The following CD109 variants were observed in gnomAD, a reference collection of about 807,000 sequenced individuals.
The protein encoded by CD109 is CD109 antigen.
In CD109, 149 loss-of-function variants were observed where a neutral mutation model predicts 165.8. The ratio of observed to expected loss-of-function variants is 0.90; its 90% CI spans 0.79 to 1.03. CD109 has a LOEUF of 1.03. Among genes scored for constraint, CD109 ranks in the 50% least tolerant of loss-of-function variants. The pLI is 0.00. For synonymous variants in CD109, 585 were observed against 592.1 expected (o/e 0.99, Z 0.18); for missense variants, 1,712 against 1,677.8 (o/e 1.02, Z -0.36).
intron 2 of CD109, among the ~76,000 whole-genome samples, chr6:73,704,141 G>A (rs1237421581): frequency 3.4e-5 from 5 of 148,250 alleles, no homozygotes; most frequent in Non-Finnish European, 7.4e-5. Context: ...GATTGTACCA[G>A]TGCACTCCAG....
intron 17 of CD109, 52 bp downstream of exon 17, chr6:73,781,371 C>A (rs569956470): frequency 7.1e-7 from 1 of 1,403,652 alleles, no homozygotes; most frequent in African/African-American, 1.4e-5. Flanking sequence ...TGATATTCAA[C>A]ATTACTTATA....
At chr6:73,806,165 T>A (rs1582190552) in intron 24 of CD109, among the ~76,000 whole-genome samples, 1 of 152,112 alleles carries the variant, frequency 6.6e-6, no homozygotes, top group African/African-American at 2.4e-5. Flanking sequence ...ATATACACCA[T>A]GGAATACTAT....
intron 4 of CD109, among the ~76,000 whole-genome samples, 175 bp from the exon 5 acceptor site, chr6:73,736,208 A>G (rs1199792848): frequency 7.2e-5 from 11 of 152,046 alleles, no homozygotes; most frequent in African/African-American, 2.4e-4. Flanking sequence ...ATATATCTCT[A>G]ATGTGTCTCC....
chr6:73,766,010 A>T lies in CD109; in HGVS notation c.1188A>T (p.Arg396Ser). Residue 396 changes from arginine (R) to serine (S), a missense_variant, in exon 11 of 33, where the codon AGA becomes AGT. By Grantham distance (110) the Arg-to-Ser change is moderately radical (BLOSUM62 -1). Coordinates refer to ENST00000287097, the MANE Select transcript of CD109 (RefSeq NM_133493.5). ...ATGTAGTCATAACAGTGACACAGAG[A>T]AACTATACTGAGTACTGGAGCGGAT... ...RNNVVITVTQ[R>S]NYTEYWSGSN... 1 of 1,614,116 alleles carries T rather than the reference A, an allele frequency of 6.2e-7. No individual in the cohort carries two copies. Among genetic ancestry groups the T allele is most frequent in the Non-Finnish European group, 8.5e-7 (1 of 1,179,960 alleles).
chr6:73,723,015 TG>T, intron 2 of CD109: 1 of 368,024 alleles, frequency 2.7e-6, no homozygotes, highest in Non-Finnish European at 3.8e-6. Context: ...CAGAACCTAA[TG>T]TTTTTTGGGT....
chr6:73,778,786 G>GT (rs1774360926), intron 15 of CD109, among the ~76,000 whole-genome samples: 1 of 151,220 alleles, frequency 6.6e-6, no homozygotes. Flanking sequence ...GCTGGAATGT[G>GT]TTTTTTTCAA....
At position 73,765,909 on chromosome 6, in the gene CD109, ATGTTT is replaced by A; in HGVS notation, c.1108-13_1108-9del. 9 of 1,517,564 alleles carry A rather than the reference ATGTTT, an allele frequency of 5.9e-6. No individual in the cohort carries two copies. Among genetic ancestry groups the A allele is most frequent in the Non-Finnish European group, 7.3e-6 (8 of 1,096,940 alleles). 94.0% of individuals were successfully genotyped at this position (1,517,564 alleles called of 1,614,324 possible). On this transcript the variant is annotated splice_polypyrimidine_tract_variant and intron_variant, in intron 10 of 32. Transcript: ENST00000287097. ...TACTTAAATCCTTTGTGTTTTTAAG[ATGTTT>A]TGTTTTGACCATTAGGTGAAGGTAA...
upstream of CD109, among the ~76,000 whole-genome samples, chr6:73,692,214 A>G (rs527297114): frequency 8.5e-4 from 130 of 152,256 alleles, no homozygotes; most frequent in South Asian, 2.3e-3. Flanking sequence ...GATCCAAACC[A>G]TATCAACACC....
chr6:73,775,180 T>C (rs893140553), intron 15 of CD109, among the ~76,000 whole-genome samples: 1 of 151,888 alleles, frequency 6.6e-6, no homozygotes, highest in Non-Finnish European at 1.5e-5. Context: ...TATTTGAGGT[T>C]ATGTGTATAT....
At chr6:73,774,715 ACCTCTCCTCCAG>A (rs1229560424) in intron 15 of CD109, among the ~76,000 whole-genome samples, 1 of 149,592 alleles carries the variant, frequency 6.7e-6, no homozygotes, top group East Asian at 2.0e-4. Flanking sequence ...AAGTTTAAAA[ACCTCTCCTCCAG>A]CCTGTTTTCT....
At chr6:73,687,303 TA>T in the CD109 span, among the ~76,000 whole-genome samples, 564 of 152,120 alleles carry the variant, frequency 3.7e-3, 5 homozygotes, top group African/African-American at 0.013. Context: ...AGTGAATAAC[TA>T]AAAAAAACCA....
chr6:73,746,117 T>C (rs574382552), intron 5 of CD109, among the ~76,000 whole-genome samples: 110 of 152,366 alleles, frequency 7.2e-4, no homozygotes, highest in African/African-American at 2.5e-3. Context: ...CTATATTATC[T>C]TAACGCAGTG....
At chr6:73,774,378 T>G (rs894862129) in intron 15 of CD109, among the ~76,000 whole-genome samples, 7 of 152,208 alleles carry the variant, frequency 4.6e-5, no homozygotes, top group Admixed American at 4.6e-4. Context: ...GAATTACTCT[T>G]GATCCTTTCT....
chr6:73,803,103 T>C, intron 23 of CD109, 117 bp from the exon 24 acceptor site: 2 of 703,106 alleles, frequency 2.8e-6, no homozygotes, highest in Non-Finnish European at 2.5e-6. Context: ...AGCTCTTGGT[T>C]TGATTTCTTC....
intron 3 of CD109, among the ~76,000 whole-genome samples, chr6:73,726,951 A>T (rs1230095849): frequency 6.6e-6 from 1 of 152,150 alleles, no homozygotes; most frequent in Non-Finnish European, 1.5e-5. Context: ...ACTCCTGTTT[A>T]AGAGCCATGG....
chr6:73,732,389 G>A (rs1056833386), intron 4 of CD109, among the ~76,000 whole-genome samples: 1 of 152,148 alleles, frequency 6.6e-6, no homozygotes, highest in African/African-American at 2.4e-5. Context: ...AATGCATATT[G>A]CTTGAATTGA....
In CD109 at chr6:73,824,604, CTGGCAT is replaced by C. The variant is rs1776215657; in HGVS notation, c.*976_*981del. On this transcript the variant is annotated 3_prime_UTR_variant, in exon 33 of 33. Transcript: ENST00000287097. Reference sequence around the variant, plus strand: ...GACATGACTGCTGACCTAAAGATCCCTGGCATTGGCCAGGGATCCTGTGGAACCTCT... The same window carrying C: ...GACATGACTGCTGACCTAAAGATCCCTGGCCAGGGATCCTGTGGAACCTCT... The C allele has an allele frequency of 6.6e-6, 1 of 152,160 alleles. No homozygotes were observed. Among genetic ancestry groups the C allele is most frequent in the South Asian group, 2.1e-4 (1 of 4,820 alleles). The allele number at this position is 152,160 out of a possible 1,614,324, so 9.4% of individuals were successfully genotyped here. A position where few individuals can be genotyped will look rare whatever the true frequency, so the allele number is the denominator to read the frequency against.
chr6:73,717,464 T>C (rs566087145), intron 2 of CD109, among the ~76,000 whole-genome samples: 3 of 152,166 alleles, frequency 2.0e-5, no homozygotes, highest in South Asian at 4.1e-4. Context: ...ATCAGTGTTT[T>C]ATACTTTTCA....
At chr6:73,820,939 T>C (rs1481234530) in intron 32 of CD109, among the ~76,000 whole-genome samples, 1 of 151,934 alleles carries the variant, frequency 6.6e-6, no homozygotes, top group Non-Finnish European at 1.5e-5. Context: ...AAAATGGGAG[T>C]TCTTAATGTG....
Sources: gnomAD v4.1 joint callset for allele counts (sites outside exome capture counted in the v4.1 genomes callset) on GRCh38, gnomAD v4.1.1 for gene constraint, MANE v1.5 for transcripts, NCBI Gene and HGNC (gene_info 2026-07-23, HGNC 2026-07-21) for gene names.